Variants in MBD5 observed in about 807,000 individuals in gnomAD.
The protein encoded by MBD5 is methyl-CpG-binding domain protein 5.
In MBD5, 13 loss-of-function variants were observed where a neutral mutation model predicts 117.3. That is an observed-to-expected ratio of 0.11 (90% CI 0.07 to 0.18). The LOEUF (loss-of-function observed/expected upper bound fraction) is 0.18. Ranked by LOEUF, MBD5 falls within the 10% of genes least tolerant of loss-of-function variation. The pLI is 1.00. For synonymous variants in MBD5, 727 were observed against 766.4 expected (o/e 0.95, Z 0.85); for missense variants, 1,879 against 2,093.8 (o/e 0.90, Z 2.00).
intron 2 of MBD5, among the ~76,000 whole-genome samples, chr2:148,180,338 T>TGATACATATATA (rs1698495682): frequency 7.3e-5 from 1 of 13,668 alleles, no homozygotes; most frequent in Admixed American, 9.7e-4. Flanking sequence ...TAAAAAAAAA[T>TGATACATATATA]TATACATATA....
chr2:148,113,508 A>C (rs1167608538), intron 1 of MBD5, among the ~76,000 whole-genome samples: 1 of 152,192 alleles, frequency 6.6e-6, no homozygotes, highest in Non-Finnish European at 1.5e-5. Context: ...TTAAAATAAC[A>C]TGTGTAGAGA....
chr2:148,410,398 T>C (rs1705214609), intron 4 of MBD5, among the ~76,000 whole-genome samples: 1 of 152,146 alleles, frequency 6.6e-6, no homozygotes, highest in South Asian at 2.1e-4. Context: ...CTTTTTCTTA[T>C]TGGTTTGTAG....
Position 148,438,789 on chromosome 2 carries a change from G to A in MBD5, c.-556-19414G>A, listed in dbSNP as rs147070201. ...TGATGTCCAAAGCAGCAAAAGAAAT[G>A]TGTGTCCAAGTTCTCGAAGAGACCT... On this transcript the variant is annotated intron_variant, in intron 4 of 13. Coordinates refer to ENST00000642680, the MANE Select transcript of MBD5 (RefSeq NM_001378120.1). Among the ~76,000 whole-genome samples the A allele has an allele frequency of 3.9e-4, 59 of 152,240 alleles. No homozygotes were observed. The East Asian group carries it at 9.9e-3, about 25-fold the overall frequency.
At chr2:148,388,127 G>A (rs1329229255) in intron 4 of MBD5, among the ~76,000 whole-genome samples, 1 of 152,162 alleles carries the variant, frequency 6.6e-6, no homozygotes, top group Non-Finnish European at 1.5e-5. Flanking sequence ...AAGACAGCTT[G>A]ACCAAAGGAA....
chr2:148,392,532 C>A (rs1192902780), intron 4 of MBD5, among the ~76,000 whole-genome samples: 1 of 152,154 alleles, frequency 6.6e-6, no homozygotes. Context: ...TTATGTACAC[C>A]ATAGCCTGAG....
chr2:148,314,440 C>T (rs1346769287), intron 3 of MBD5, among the ~76,000 whole-genome samples: 3 of 142,712 alleles, frequency 2.1e-5, no homozygotes, highest in African/African-American at 7.7e-5. Context: ...TGCAGTGGCA[C>T]CATCTCGGTT....
chr2:148,436,262 T>C (rs896717633), intron 4 of MBD5, among the ~76,000 whole-genome samples: 1 of 152,178 alleles, frequency 6.6e-6, no homozygotes, highest in Non-Finnish European at 1.5e-5. Context: ...GGCTCTTTCT[T>C]CTCCCATGAG....
chr2:148,228,143 C>A (rs1163957766), intron 2 of MBD5, among the ~76,000 whole-genome samples: 3 of 152,164 alleles, frequency 2.0e-5, no homozygotes, highest in Non-Finnish European at 2.9e-5. Context: ...ACTTCCAACA[C>A]TATGTTGAAT....
At chr2:148,031,950 G>A (rs2105594551) in intron 1 of MBD5, among the ~76,000 whole-genome samples, 2 of 152,174 alleles carry the variant, frequency 1.3e-5, no homozygotes, top group Middle Eastern at 3.4e-3. Context: ...TTCTTTATAA[G>A]TTTTGTTTGC....
intron 3 of MBD5, among the ~76,000 whole-genome samples, chr2:148,262,372 G>A (rs867190477): frequency 7.2e-5 from 11 of 151,860 alleles, no homozygotes; most frequent in Non-Finnish European, 1.2e-4. Flanking sequence ...TATGTCATAC[G>A]TATTATTCCT....
chr2:148,367,167 A>C (rs909250400), intron 4 of MBD5, among the ~76,000 whole-genome samples: 5 of 152,148 alleles, frequency 3.3e-5, no homozygotes, highest in African/African-American at 1.2e-4. Context: ...CCTCAGAAAT[A>C]ACACCACACA....
chr2:148,186,267 G>A lies in MBD5; in HGVS notation c.-831+7474G>A, dbSNP rs537612525. 4.6e-5 allele frequency among the ~76,000 whole-genome samples: 7 copies of A among 152,332 alleles called. No individual in the cohort carries two copies. In the East Asian group the frequency reaches 1.4e-3, roughly 29 times the overall value. ...TGAGATCTGGTGGTTTTTAAAAACAGGAGTTTCCCAGCTCAAGCTCTCCCT... is the reference window on the plus strand; with the variant it reads ...TGAGATCTGGTGGTTTTTAAAAACAAGAGTTTCCCAGCTCAAGCTCTCCCT... On this transcript the variant is annotated intron_variant, in intron 2 of 13. Coordinates refer to ENST00000642680, the MANE Select transcript of MBD5 (RefSeq NM_001378120.1).
At chr2:148,189,399 C>G (rs1396569537) in intron 2 of MBD5, among the ~76,000 whole-genome samples, 2 of 150,742 alleles carry the variant, frequency 1.3e-5, no homozygotes, top group African/African-American at 5.0e-5. Context: ...CAGCACACAG[C>G]TGGAGATCTG....
At chr2:148,057,145 T>A (rs1694888707) in intron 1 of MBD5, among the ~76,000 whole-genome samples, 1 of 151,860 alleles carries the variant, frequency 6.6e-6, no homozygotes, top group Non-Finnish European at 1.5e-5. Context: ...TTAATCTTTT[T>A]GAAAAGGAAC....
intron 3 of MBD5, among the ~76,000 whole-genome samples, chr2:148,235,277 A>C (rs1308020307): frequency 6.6e-6 from 1 of 152,196 alleles, no homozygotes; most frequent in Non-Finnish European, 1.5e-5. Flanking sequence ...TTGTGAATAC[A>C]GAAGACTGAC....
chr2:148,090,579 T>A (rs1695913078), intron 1 of MBD5, among the ~76,000 whole-genome samples: 1 of 151,928 alleles, frequency 6.6e-6, no homozygotes, highest in Admixed American at 6.6e-5. Context: ...ATAAGCTGAA[T>A]TAAAAACAAA....
chr2:148,495,095 A>G (rs1054279462), intron 11 of MBD5, among the ~76,000 whole-genome samples: 3 of 152,254 alleles, frequency 2.0e-5, no homozygotes, highest in African/African-American at 7.2e-5. Flanking sequence ...GTGACCAGGA[A>G]TAAGACCTCA....
chr2:148,338,490 A>G (rs1339255383), intron 3 of MBD5, among the ~76,000 whole-genome samples: 1 of 152,196 alleles, frequency 6.6e-6, no homozygotes, highest in Non-Finnish European at 1.5e-5. Context: ...AAAATGTTAT[A>G]AATACTACAA....
At chr2:148,369,075 C>T (rs1450274895) in intron 4 of MBD5, among the ~76,000 whole-genome samples, 6 of 151,984 alleles carry the variant, frequency 3.9e-5, no homozygotes, top group Admixed American at 6.6e-5. Flanking sequence ...CACTAAAATG[C>T]GTGACCTCAA....
Sources: gnomAD v4.1 joint callset for allele counts (sites outside exome capture counted in the v4.1 genomes callset) on GRCh38, gnomAD v4.1.1 for gene constraint, MANE v1.5 for transcripts, NCBI Gene and HGNC (gene_info 2026-07-23, HGNC 2026-07-21) for gene names.